Variants in RBMS3 observed in about 807,000 individuals in gnomAD.
RBMS3 encodes RNA-binding motif, single-stranded-interacting protein 3.
RBMS3 carries 27 observed loss-of-function variants against 66.8 expected under a neutral mutation model. The observed-to-expected ratio is 0.40, with a 90% CI of 0.30 to 0.56. The LOEUF is 0.56. Ranked by LOEUF, RBMS3 falls within the 20% of genes least tolerant of loss-of-function variation. RBMS3 has a pLI of 0.40. For missense variants in RBMS3, 513 were observed against 549.5 expected (o/e 0.93, Z 0.66); for synonymous variants, 188 against 183.0 (o/e 1.03, Z -0.22).
At chr3:29,673,847 G>A (rs756065894) in intron 4 of RBMS3, among the ~76,000 whole-genome samples, 14 of 152,052 alleles carry the variant, frequency 9.2e-5, no homozygotes, top group Admixed American at 2.0e-4. Flanking sequence ...GGTACCATTC[G>A]TTCTGAAACT....
chr3:29,941,797 A>G (rs1034166891), intron 11 of RBMS3, among the ~76,000 whole-genome samples: 18 of 152,000 alleles, frequency 1.2e-4, no homozygotes, highest in African/African-American at 3.9e-4. Context: ...TTGTAATGAA[A>G]GAAACAGAAA....
intron 12 of RBMS3, among the ~76,000 whole-genome samples, chr3:29,958,317 TG>T (rs982269970): frequency 6.6e-6 from 1 of 152,182 alleles, no homozygotes; most frequent in Non-Finnish European, 1.5e-5. Context: ...CTTTCTTTTT[TG>T]TTGTTCCTGT....
At chr3:29,984,917 G>A (rs1313933438) in intron 12 of RBMS3, among the ~76,000 whole-genome samples, 1 of 152,168 alleles carries the variant, frequency 6.6e-6, no homozygotes, top group Non-Finnish European at 1.5e-5. Context: ...AGGAGGCAAA[G>A]CTCAAGCGCT....
intron 10 of RBMS3, among the ~76,000 whole-genome samples, chr3:29,906,153 A>G (rs1383932614): frequency 6.6e-6 from 1 of 152,088 alleles, no homozygotes; most frequent in East Asian, 1.9e-4. Context: ...TATGTATTCT[A>G]TACATTGCTT....
intron 1 of RBMS3, among the ~76,000 whole-genome samples, chr3:29,413,124 A>G (rs1281558841): frequency 1.3e-5 from 2 of 152,118 alleles, no homozygotes; most frequent in African/African-American, 4.8e-5. Context: ...TAATCCCAGC[A>G]CTTTGGGAGC....
rs1394205416 is a variant in RBMS3, at chr3:29,529,288, G to T, written c.307+40789G>T. Among the ~76,000 whole-genome samples the T allele has an allele frequency of 3.3e-5, 5 of 152,050 alleles. No individual in the cohort carries two copies. The East Asian group carries it at 9.7e-4, about 29-fold the overall frequency. ...ATTTGAGAGGTTTTCTCATAAACAG[G>T]ATCTAATCTTCCAAATTGTGTCTAT... On this transcript the variant is annotated intron_variant, in intron 3 of 14. Transcript: ENST00000383767.
At chr3:29,991,326 G>A in intron 14 of RBMS3, 117 bp downstream of exon 14, 2 of 1,505,846 alleles carry the variant, frequency 1.3e-6, no homozygotes, top group Non-Finnish European at 1.8e-6. Flanking sequence ...TTAGCAACAG[G>A]CATTTATTTA....
At chr3:29,770,500 T>G (rs930797483) in intron 6 of RBMS3, among the ~76,000 whole-genome samples, 2 of 151,940 alleles carry the variant, frequency 1.3e-5, no homozygotes, top group Non-Finnish European at 2.9e-5. Context: ...AGAATTTGAT[T>G]GATTAAAGTA....
intron 12 of RBMS3, among the ~76,000 whole-genome samples, chr3:29,967,530 C>T (rs1696930123): frequency 6.6e-6 from 1 of 152,026 alleles, no homozygotes; most frequent in South Asian, 2.1e-4. Context: ...CTCCTGACCT[C>T]GTGATTTGCC....
intron 10 of RBMS3, among the ~76,000 whole-genome samples, chr3:29,932,827 C>A (rs1393166645): frequency 1.3e-5 from 2 of 152,140 alleles, no homozygotes; most frequent in African/African-American, 4.8e-5. Flanking sequence ...ACATGATGAT[C>A]TTTGGAAACT....
intron 11 of RBMS3, among the ~76,000 whole-genome samples, chr3:29,937,927 TA>T: frequency 6.6e-6 from 1 of 152,070 alleles, no homozygotes; most frequent in South Asian, 2.1e-4. Flanking sequence ...TCAGTGATCA[TA>T]AATTCTGAAT....
At chr3:29,865,102 G>GGAAGGAAGGA (rs2059324721) in intron 6 of RBMS3, among the ~76,000 whole-genome samples, 2 of 93,982 alleles carry the variant, frequency 2.1e-5, no homozygotes, top group African/African-American at 1.4e-4. Context: ...GGGAGGGAGG[G>GGAAGGAAGGA]AGGGAGGAAG....
At chr3:29,316,058 G>C (rs1024693097) in intron 1 of RBMS3, among the ~76,000 whole-genome samples, 1 of 151,594 alleles carries the variant, frequency 6.6e-6, no homozygotes, top group Admixed American at 6.6e-5. Flanking sequence ...TATTACCGGG[G>C]TGATATTAAG....
At chr3:29,934,610 C>G (rs1249028711) in intron 10 of RBMS3, among the ~76,000 whole-genome samples, 1 of 152,084 alleles carries the variant, frequency 6.6e-6, no homozygotes, top group Non-Finnish European at 1.5e-5. Context: ...TGCACAGAAG[C>G]ATCGAGAAAT....
intron 2 of RBMS3, among the ~76,000 whole-genome samples, chr3:29,456,610 G>A (rs1272321387): frequency 6.6e-6 from 1 of 152,096 alleles, no homozygotes; most frequent in Non-Finnish European, 1.5e-5. Flanking sequence ...AGATGCCTAG[G>A]AAAGTAAAGA....
chr3:29,373,017 C>A (rs919753391), intron 1 of RBMS3, among the ~76,000 whole-genome samples: 57 of 152,144 alleles, frequency 3.7e-4, no homozygotes, highest in African/African-American at 1.3e-3. Context: ...TTAAAACGAG[C>A]AGGAAAAATT....
chr3:29,790,401 A>T (rs1189493088), intron 6 of RBMS3, among the ~76,000 whole-genome samples: 2 of 152,130 alleles, frequency 1.3e-5, no homozygotes, highest in African/African-American at 4.8e-5. Flanking sequence ...TTTTCACTTA[A>T]TGTAGATAGT....
chr3:29,314,578 C>T (rs1233997415), intron 1 of RBMS3, among the ~76,000 whole-genome samples: 2 of 151,140 alleles, frequency 1.3e-5, no homozygotes, highest in South Asian at 4.2e-4. Flanking sequence ...TGGCTCTGAC[C>T]CTGGTTTAAT....
rs1238596294 is a variant in RBMS3 at position 29,494,874 on chromosome 3, T to C, written c.307+6375T>C. ...TGAGTAATGGATATTCCGTAGAAAG[T>C]TTCCATGCCTATTAACCATAGGATA... On this transcript the variant is annotated intron_variant, in intron 3 of 14. Transcript: ENST00000383767. Among the ~76,000 whole-genome samples, 3 of 147,744 alleles carry C rather than the reference T, an allele frequency of 2.0e-5. No individual in the cohort carries two copies. The South Asian group carries it at 6.3e-4, about 31-fold the overall frequency.
Sources: gnomAD v4.1 joint callset for allele counts (sites outside exome capture counted in the v4.1 genomes callset) on GRCh38, gnomAD v4.1.1 for gene constraint, MANE v1.5 for transcripts, NCBI Gene and HGNC (gene_info 2026-07-23, HGNC 2026-07-21) for gene names.